Variants in RBFOX1 observed in about 807,000 individuals in gnomAD.
The protein encoded by RBFOX1 is RNA binding protein fox-1 homolog 1.
RBFOX1 carries 8 observed loss-of-function variants against 57.7 expected under a neutral mutation model. The observed-to-expected ratio is 0.14, with a 90% CI of 0.08 to 0.25. The LOEUF (loss-of-function observed/expected upper bound fraction) is 0.25. Ranked by LOEUF, RBFOX1 falls within the 10% of genes least tolerant of loss-of-function variation. The pLI is 1.00. For synonymous variants in RBFOX1, 326 were observed against 222.4 expected, an observed-to-expected ratio of 1.47 and a Z score of -4.15; for missense variants, 611 against 548.5, an observed-to-expected ratio of 1.11 and a Z score of -1.14.
At chr16:6,838,180 C>T (rs1567491073) in intron 3 of RBFOX1, among the ~76,000 whole-genome samples, 1 of 151,994 alleles carries the variant, frequency 6.6e-6, no homozygotes, top group Non-Finnish European at 1.5e-5. Context: ...CCTCCCCTTG[C>T]CCCCTAGCCC....
intron 4 of RBFOX1, among the ~76,000 whole-genome samples, chr16:7,278,666 T>C (rs1217163888): frequency 6.6e-6 from 1 of 152,236 alleles, no homozygotes. Flanking sequence ...TATCAAAAAG[T>C]CTGAAGGAAT....
In RBFOX1 at chr16:6,571,020, A is replaced by G. The variant is rs17140630; in HGVS notation, c.-63-83583A>G. On this transcript the variant is annotated intron_variant, in intron 2 of 15. Transcript: ENST00000550418. The stretch of plus-strand genomic sequence containing the variant: ...AATATAGACTCCTGTGGAACTGTTA[A>G]GGAGAAGGTCCTACTGAGATGAGCA... 9.6e-3 allele frequency among the ~76,000 whole-genome samples: 1,467 copies of G among 152,288 alleles called. 32 individuals are homozygous for G. Among genetic ancestry groups the G allele is most frequent in the African/African-American group, 0.034 (1,416 of 41,556 alleles).
At chr16:6,445,861 G>A (rs935248082) in intron 2 of RBFOX1, among the ~76,000 whole-genome samples, 18 of 152,286 alleles carry the variant, frequency 1.2e-4, no homozygotes, top group Admixed American at 2.6e-4. Flanking sequence ...GATTACTGGC[G>A]TGAGCCACTG....
intron 2 of RBFOX1, among the ~76,000 whole-genome samples, chr16:6,644,156 C>T (rs2098514734): frequency 1.3e-5 from 2 of 152,110 alleles, no homozygotes; most frequent in Admixed American, 1.3e-4. Context: ...CATAAAATCA[C>T]CAGTATGCTC....
intron 4 of RBFOX1, among the ~76,000 whole-genome samples, chr16:5,913,262 C>T (rs1026184522): frequency 6.6e-6 from 1 of 152,198 alleles, no homozygotes; most frequent in Non-Finnish European, 1.5e-5. Context: ...TATCTCCCCA[C>T]CCCTACCATG....
chr16:7,010,945 G>A (rs571983975), intron 3 of RBFOX1, among the ~76,000 whole-genome samples: 39 of 152,280 alleles, frequency 2.6e-4, no homozygotes, highest in Middle Eastern at 6.8e-3. Context: ...GTCTTAGCAG[G>A]GCCTTGGGCA....
chr16:7,689,072 T>C (rs191458823), intron 14 of RBFOX1, among the ~76,000 whole-genome samples: 1 of 152,150 alleles, frequency 6.6e-6, no homozygotes, highest in Admixed American at 6.5e-5. Context: ...AGTTTCGTCA[T>C]CTACAAGACG....
intron 4 of RBFOX1, among the ~76,000 whole-genome samples, chr16:7,144,411 T>TTTG (rs1555507953): frequency 2.4e-4 from 27 of 112,654 alleles, no homozygotes; most frequent in Admixed American, 1.6e-3. Context: ...TTTCTTTTTC[T>TTTG]TTCTTCTTTT....
At chr16:6,149,791 G>C (rs1231459107) in intron 1 of RBFOX1, among the ~76,000 whole-genome samples, 2 of 152,186 alleles carry the variant, frequency 1.3e-5, no homozygotes. Context: ...GCAATGTTGG[G>C]AGGATAGAAC....
At chr16:6,231,354 G>T (rs527616228) in intron 1 of RBFOX1, among the ~76,000 whole-genome samples, 6 of 152,140 alleles carry the variant, frequency 3.9e-5, no homozygotes, top group Admixed American at 2.0e-4. Context: ...TTTAAATTCA[G>T]TGATGAGACT....
chr16:7,642,525 G>C (rs1436986791), intron 11 of RBFOX1, among the ~76,000 whole-genome samples: 1 of 152,182 alleles, frequency 6.6e-6, no homozygotes, highest in Non-Finnish European at 1.5e-5. Flanking sequence ...ATCCAGCCCA[G>C]CATAAGGAAG....
At chr16:5,338,841 G>T (rs1567354088) in intron 1 of RBFOX1, among the ~76,000 whole-genome samples, 1 of 151,938 alleles carries the variant, frequency 6.6e-6, no homozygotes, top group Non-Finnish European at 1.5e-5. Context: ...GTATAGGTTG[G>T]GGTCTTACTA....
At chr16:7,522,699 A>G (rs907910565) in intron 5 of RBFOX1, among the ~76,000 whole-genome samples, 2 of 152,202 alleles carry the variant, frequency 1.3e-5, no homozygotes, top group African/African-American at 4.8e-5. Context: ...TGGGGCACAA[A>G]AGACAGGAAG....
chr16:5,793,035 T>G (rs765806536), intron 3 of RBFOX1, among the ~76,000 whole-genome samples: 1 of 152,158 alleles, frequency 6.6e-6, no homozygotes, highest in African/African-American at 2.4e-5. Flanking sequence ...ACCCCTGCAG[T>G]TCAAACCCAC....
At chr16:7,289,969 C>T (rs768002064) in intron 4 of RBFOX1, among the ~76,000 whole-genome samples, 1 of 152,178 alleles carries the variant, frequency 6.6e-6, no homozygotes, top group Admixed American at 6.5e-5. Context: ...AGGATAAACT[C>T]TGTGGCCCCA....
At chr16:7,532,653 G>C (rs2080410963) in intron 5 of RBFOX1, among the ~76,000 whole-genome samples, 1 of 152,192 alleles carries the variant, frequency 6.6e-6, no homozygotes, top group Admixed American at 6.5e-5. Context: ...AGCAGAAGTA[G>C]CAAGGCTAGG....
intron 4 of RBFOX1, among the ~76,000 whole-genome samples, chr16:7,404,028 C>CTTTTATTTTATTTTA (rs57717446): frequency 0.13 from 16,479 of 129,816 alleles, 1,438 homozygotes; most frequent in African/African-American, 0.14. Flanking sequence ...ATTTCATTTC[C>CTTTTATTTTATTTTA]TTTTATTTTA....
intron 3 of RBFOX1, among the ~76,000 whole-genome samples, chr16:6,891,268 A>G (rs1247346407): frequency 6.6e-6 from 1 of 152,216 alleles, no homozygotes; most frequent in Non-Finnish European, 1.5e-5. Flanking sequence ...TATAAGAACA[A>G]CTGCTTGAAG....
chr16:6,318,370 G>C (rs1355350519), intron 2 of RBFOX1, among the ~76,000 whole-genome samples: 2 of 152,120 alleles, frequency 1.3e-5, no homozygotes, highest in African/African-American at 2.4e-5. Context: ...AAAAAGGTGG[G>C]GGCTGTTTGG....
Sources: allele counts gnomAD v4.1 joint callset (sites outside exome capture counted in the v4.1 genomes callset), GRCh38; gene constraint gnomAD v4.1.1; transcripts MANE v1.5; gene names NCBI Gene and HGNC (gene_info 2026-07-23, HGNC 2026-07-21).